NIBAN1: variants seen among roughly 807,000 people sequenced by gnomAD.
The protein encoded by NIBAN1 is protein Niban 1.
A neutral mutation model predicts 75.1 loss-of-function variants in NIBAN1; 81 were observed. The observed-to-expected ratio is 1.08, with a 90% confidence interval of 0.90 to 1.30. The LOEUF (loss-of-function observed/expected upper bound fraction) is 1.30, where lower values mean the gene tolerates loss of function less well. Ranked by LOEUF, NIBAN1 falls within the 50% of genes most tolerant of loss-of-function variation. The pLI is 0.00. For missense variants in NIBAN1, 1,133 were observed against 1,128.1 expected (o/e 1.00, Z -0.06); for synonymous variants, 436 against 424.8 (o/e 1.03, Z -0.32).
In NIBAN1 at chr1:184,928,685, C is replaced by A. The variant is rs79129335; in HGVS notation, c.56-29376G>T. Among the ~76,000 whole-genome samples the A allele has an allele frequency of 2.2e-3, 338 of 152,272 alleles. 1 individual carries two copies. Among genetic ancestry groups the A allele is most frequent in the African/African-American group, 7.7e-3 (318 of 41,534 alleles). The stretch of plus-strand genomic sequence containing the variant: ...ATACAGATTCTGTCTCTGTGCCATG[C>A]GACCACTGCCAGGGAATGGAAGACT... On this transcript the variant is annotated intron_variant, in intron 1 of 13. Coordinates refer to ENST00000367511, the MANE Select transcript of NIBAN1 (RefSeq NM_052966.4).
At chr1:184,893,489 T>G (rs574043600) in intron 3 of NIBAN1, among the ~76,000 whole-genome samples, 65 of 152,018 alleles carry the variant, frequency 4.3e-4, no homozygotes, top group African/African-American at 1.5e-3. Flanking sequence ...AGGAAAATAG[T>G]GAAATAACCA....
chr1:184,804,279 C>T (rs1654127649), intron 11 of NIBAN1, among the ~76,000 whole-genome samples: 1 of 152,180 alleles, frequency 6.6e-6, no homozygotes, highest in Non-Finnish European at 1.5e-5. Context: ...TAGTCATAGG[C>T]AGCGAGAAGA....
intron 1 of NIBAN1, among the ~76,000 whole-genome samples, chr1:184,942,556 T>A (rs1424688559): frequency 6.6e-6 from 1 of 151,972 alleles, no homozygotes; most frequent in Non-Finnish European, 1.5e-5. Context: ...TAGCTGGGCG[T>A]GATGGCGGGC....
At chr1:184,959,473 C>T (rs1248332272) in intron 1 of NIBAN1, among the ~76,000 whole-genome samples, 1 of 152,198 alleles carries the variant, frequency 6.6e-6, no homozygotes, top group African/African-American at 2.4e-5. Flanking sequence ...TTCGCCATGT[C>T]TATAATTCCT....
chr1:184,950,502 C>T (rs1658334063), intron 1 of NIBAN1, among the ~76,000 whole-genome samples: 1 of 152,146 alleles, frequency 6.6e-6, no homozygotes, highest in Admixed American at 6.5e-5. Context: ...GATCATTATG[C>T]ACGCTTTCAG....
intron 1 of NIBAN1, among the ~76,000 whole-genome samples, chr1:184,915,978 G>C (rs1657374394): frequency 6.6e-6 from 1 of 152,192 alleles, no homozygotes; most frequent in Non-Finnish European, 1.5e-5. Context: ...AGAGAATTCT[G>C]AAATTTCAAT....
rs142579464 is a variant in NIBAN1, at chr1:184,885,328, G to A, written c.434-528C>T. ...GCTGGGATTACAGGCATAAGCCACCGCACCCGGCTAGTTTTTTTGTATTAT... is the reference window on the plus strand; with the variant it reads ...GCTGGGATTACAGGCATAAGCCACCACACCCGGCTAGTTTTTTTGTATTAT... On this transcript the variant is annotated intron_variant, in intron 4 of 13. Transcript: ENST00000367511. 4.5e-4 allele frequency among the ~76,000 whole-genome samples: 68 copies of A among 152,114 alleles called. 2 individuals are homozygous for A. The East Asian group carries it at 0.012, about 27-fold the overall frequency.
At chr1:184,892,070 T>A (rs1006952625) in intron 3 of NIBAN1, among the ~76,000 whole-genome samples, 2 of 152,210 alleles carry the variant, frequency 1.3e-5, no homozygotes, top group African/African-American at 4.8e-5. Context: ...AACATTTGAT[T>A]CAAAATGAAA....
At chr1:184,970,818 T>C (rs932806096) in intron 1 of NIBAN1, among the ~76,000 whole-genome samples, 12 of 152,210 alleles carry the variant, frequency 7.9e-5, no homozygotes, top group African/African-American at 2.2e-4. Flanking sequence ...GGACTTCTTA[T>C]GTGGGAGATC....
At chr1:184,837,219 C>T (rs1457357491) in intron 5 of NIBAN1, among the ~76,000 whole-genome samples, 4 of 152,180 alleles carry the variant, frequency 2.6e-5, no homozygotes, top group Admixed American at 6.5e-5. Flanking sequence ...TTGAGAGTTT[C>T]GTTCTGTGGC....
At chr1:184,907,799 G>C (rs1156536927) in intron 1 of NIBAN1, among the ~76,000 whole-genome samples, 2 of 152,184 alleles carry the variant, frequency 1.3e-5, no homozygotes. Context: ...TGAGAGTCAG[G>C]TTTTTGAACA....
intron 5 of NIBAN1, among the ~76,000 whole-genome samples, chr1:184,844,222 A>G (rs1655373355): frequency 6.6e-6 from 1 of 152,224 alleles, no homozygotes; most frequent in South Asian, 2.1e-4. Flanking sequence ...TAGTCTTACC[A>G]ACATCTGTGA....
rs1182647702 is a variant in NIBAN1, at chr1:184,913,745, C to T, written c.56-14436G>A. Among the ~76,000 whole-genome samples, 4 of 152,108 alleles carry T rather than the reference C, an allele frequency of 2.6e-5. No individual in the cohort carries two copies. The East Asian group carries it at 7.7e-4, about 29-fold the overall frequency. ...ATTTAAATTTGAAACACTGTGAGTA[C>T]CTGAAGGACTGCCTAGACATAAGAG... is the stretch of plus-strand genomic sequence containing the variant. On this transcript the variant is annotated intron_variant, in intron 1 of 13. Transcript: ENST00000367511.
chr1:184,897,844 T>C (rs1402776246), intron 2 of NIBAN1, among the ~76,000 whole-genome samples: 1 of 152,178 alleles, frequency 6.6e-6, no homozygotes, highest in Admixed American at 6.5e-5. Context: ...GTCAGCTCTA[T>C]CATAAGCACC....
At chr1:184,817,784 C>A (rs949637618) in intron 9 of NIBAN1, among the ~76,000 whole-genome samples, 1 of 152,218 alleles carries the variant, frequency 6.6e-6, no homozygotes, top group Non-Finnish European at 1.5e-5. Flanking sequence ...TGTGGATGAA[C>A]TGTAACCTAG....
chr1:184,798,693 A>G (rs978915099), intron 12 of NIBAN1, among the ~76,000 whole-genome samples: 17 of 152,182 alleles, frequency 1.1e-4, no homozygotes, highest in Non-Finnish European at 2.5e-4. Flanking sequence ...TTAAATATGT[A>G]AATATACTTA....
At chr1:184,925,678 TAAGC>T (rs1301078162) in intron 1 of NIBAN1, among the ~76,000 whole-genome samples, 5 of 152,090 alleles carry the variant, frequency 3.3e-5, no homozygotes, top group Non-Finnish European at 5.9e-5. Flanking sequence ...CATAAACAAA[TAAGC>T]AAAGAGAAAA....
intron 5 of NIBAN1, among the ~76,000 whole-genome samples, chr1:184,860,303 T>A (rs113836988): frequency 6.6e-6 from 1 of 152,034 alleles, no homozygotes; most frequent in East Asian, 1.9e-4. Flanking sequence ...CGGGGGCAGA[T>A]CTACCTCAAA....
At chr1:184,942,090 T>A in intron 1 of NIBAN1, among the ~76,000 whole-genome samples, 1 of 152,200 alleles carries the variant, frequency 6.6e-6, no homozygotes, top group Non-Finnish European at 1.5e-5. Flanking sequence ...AAGTAGACAA[T>A]TTAAAGTTTA....
Sources: allele counts gnomAD v4.1 joint callset (sites outside exome capture counted in the v4.1 genomes callset), GRCh38; gene constraint gnomAD v4.1.1; transcripts MANE v1.5; gene names NCBI Gene and HGNC (gene_info 2026-07-23, HGNC 2026-07-21).